MYT1L: variants seen among roughly 807,000 people sequenced by gnomAD.
MYT1L encodes the protein myelin transcription factor 1-like protein.
In MYT1L, 12 loss-of-function variants were observed where a neutral mutation model predicts 126.7. The ratio of observed to expected loss-of-function variants is 0.09; its 90% CI spans 0.06 to 0.15. The LOEUF is 0.15. Among genes scored for constraint, MYT1L ranks in the 10% least tolerant of loss-of-function variants. MYT1L has a pLI of 1.00. For missense variants in MYT1L, 979 were observed against 1,585.2 expected (o/e 0.62, Z 6.49); for synonymous variants, 541 against 604.2 (o/e 0.90, Z 1.53).
intron 1 of MYT1L, among the ~76,000 whole-genome samples, chr2:2,321,915 A>G (rs979425208): frequency 5.3e-5 from 8 of 152,176 alleles, no homozygotes; most frequent in African/African-American, 1.9e-4. Flanking sequence ...TCTTTCAACT[A>G]TATTAATGAG....
Position 1,839,230 on chromosome 2 carries a change from A to G in MYT1L, c.2999T>C (p.Val1000Ala), listed in dbSNP as rs373189496. ...LNGSQFSWKS[V>A]KTEGMSCPTP... ...GGGGCAGGACATGCCTTCCGTCTTG[A>G]CCGACTTCCAGGAGAACTGGGAGCC... The change falls in exon 21 of 25, where the codon GTC (valine) becomes GCC (alanine). Residue 1000 changes from valine (V) to alanine (A), a missense_variant. By Grantham distance (64) the Val-to-Ala change is moderately conservative. Around this residue, in one of 12 missense-constraint regions of MYT1L, gnomAD observed 179 missense variants for 398.6 expected, o/e 0.45. Transcript: ENST00000647738. The G allele has an allele frequency of 1.1e-5, 18 of 1,613,516 alleles. No homozygotes were observed. The highest frequency in any genetic ancestry group is 8.9e-5 in the East Asian group (4 of 44,872).
intron 9 of MYT1L, among the ~76,000 whole-genome samples, chr2:1,927,066 ACT>A (rs1222603456): frequency 6.6e-6 from 1 of 152,124 alleles, no homozygotes; most frequent in Non-Finnish European, 1.5e-5. Context: ...AGAGCAACAG[ACT>A]CTGAGCAGGA....
Position 1,911,336 on chromosome 2 carries a change from T to C in MYT1L, c.1709+684A>G, listed in dbSNP as rs538496553. Among the ~76,000 whole-genome samples the C allele has an allele frequency of 2.1e-3, 316 of 152,120 alleles. 1 individual carries two copies. The highest frequency in any genetic ancestry group is 2.3e-3 in the Non-Finnish European group (155 of 67,984). ...AATTTTACGTGAACTCATAAAACCA[T>C]AGACTGTAAGACAAACTTTAAAAGA... On this transcript the variant is annotated intron_variant, in intron 12 of 24. Coordinates refer to ENST00000647738, the MANE Select transcript of MYT1L (RefSeq NM_001303052.2).
At position 1,851,572 on chromosome 2, in the gene MYT1L, C is replaced by T. The variant is rs548579264; in HGVS notation, c.2774+69G>A. On this transcript the variant is annotated intron_variant, in intron 19 of 24. Transcript: ENST00000647738. ...AAACTTCGCAAGGCTTGGAGCCTGA[C>T]GTGAGTGATATTCCTGCCATTTCAG... The T allele has an allele frequency of 3.3e-5, 49 of 1,470,002 alleles. 2 individuals are homozygous for T. In the South Asian group the frequency reaches 3.4e-4, roughly 10 times the overall value. The allele number at this position is 1,470,002 out of a possible 1,614,324, so 91.1% of individuals were successfully genotyped here. A position where few individuals can be genotyped will look rare whatever the true frequency, so the allele number is the denominator to read the frequency against.
intron 1 of MYT1L, among the ~76,000 whole-genome samples, chr2:2,298,231 A>T: frequency 6.6e-6 from 1 of 152,208 alleles, no homozygotes; most frequent in East Asian, 1.9e-4. Context: ...TGAGGCCCAT[A>T]TACGTGGAAG....
rs1341607552 is a variant in MYT1L, at chr2:1,814,025, C to T, written c.3081-4858G>A. Among the ~76,000 whole-genome samples the T allele has an allele frequency of 9.4e-5, 10 of 105,914 alleles. No individual in the cohort carries two copies. The East Asian group carries it at 1.4e-3, about 15-fold the overall frequency. 69.5% of individuals were successfully genotyped at this position (105,914 alleles called of 152,430 possible). A position where few individuals can be genotyped will look rare whatever the true frequency, so the allele number is the denominator to read the frequency against. ...CTGGGCGACAGAGCGAGACTCCGTC[C>T]CCAAAAAAAAAAAAAAAAGAAAGAA... On this transcript the variant is annotated intron_variant, in intron 21 of 24. Transcript: ENST00000647738.
Position 1,848,716 on chromosome 2 carries a change from C to A in MYT1L, c.2774+2925G>T, listed in dbSNP as rs2042832193. On this transcript the variant is annotated intron_variant, in intron 19 of 24. Transcript: ENST00000647738. This position sits in a 1 kb window ranked among gnomAD's most constrained non-coding sequence, Gnocchi z 4.8. ...TTGCTTGTTGGCTTCTGTCTGTCTG[C>A]AGCAGCTCATTTACACAGAACTGCA... Among the ~76,000 whole-genome samples, 1 of 152,152 alleles carries A rather than the reference C, an allele frequency of 6.6e-6. No individual in the cohort carries two copies.
Position 2,296,398 on chromosome 2 carries a change from A to G in MYT1L, c.-520-11895T>C, listed in dbSNP as rs1393522444. 2.6e-5 allele frequency among the ~76,000 whole-genome samples: 4 copies of G among 152,326 alleles called. No individual in the cohort carries two copies. The South Asian group carries it at 6.2e-4, about 24-fold the overall frequency. On this transcript the variant is annotated intron_variant, in intron 1 of 24. Coordinates refer to ENST00000647738, the MANE Select transcript of MYT1L (RefSeq NM_001303052.2). ...TTTAAGAGAAAAAATGTGATTCACA[A>G]TGACAACTATTTCCATTTTGAGGGT...
In MYT1L at chr2:2,159,536, C is replaced by T. The variant is rs1038462710; in HGVS notation, c.-304+13336G>A. Among the ~76,000 whole-genome samples the T allele has an allele frequency of 4.6e-5, 7 of 152,032 alleles. No homozygotes were observed. The East Asian group carries it at 5.8e-4, about 13-fold the overall frequency. On this transcript the variant is annotated intron_variant, in intron 3 of 24. Transcript: ENST00000647738. The stretch of plus-strand genomic sequence containing the variant: ...CGCTGGGGAGCACCTCGCTGCTGAG[C>T]GCGGGCTGTGTTCAGACCAGCACCC...
chr2:2,026,714 C>A (rs979009521), intron 4 of MYT1L, among the ~76,000 whole-genome samples: 3 of 152,120 alleles, frequency 2.0e-5, no homozygotes, highest in Non-Finnish European at 2.9e-5. Context: ...GTACAGGGAA[C>A]CTCTCCGTCC....
chr2:1,830,766 C>G (rs2040048017), intron 21 of MYT1L, among the ~76,000 whole-genome samples: 1 of 152,108 alleles, frequency 6.6e-6, no homozygotes, highest in Non-Finnish European at 1.5e-5. Context: ...CCTCAGGAGC[C>G]TCTTCCCTGG....
intron 4 of MYT1L, among the ~76,000 whole-genome samples, chr2:2,001,703 G>A (rs977040110): frequency 6.6e-6 from 1 of 152,138 alleles, no homozygotes; most frequent in Non-Finnish European, 1.5e-5. Flanking sequence ...GGAAGCACAG[G>A]GTGTCCTGAA....
chr2:1,930,928 C>T (rs2054877043), intron 9 of MYT1L, among the ~76,000 whole-genome samples: 1 of 152,228 alleles, frequency 6.6e-6, no homozygotes, highest in South Asian at 2.1e-4. Flanking sequence ...AGAAATACTA[C>T]ATCTTAGTAA....
chr2:1,920,465 C>T (rs2053429240), intron 10 of MYT1L, among the ~76,000 whole-genome samples: 1 of 152,168 alleles, frequency 6.6e-6, no homozygotes, highest in African/African-American at 2.4e-5. Flanking sequence ...CGCCCAAACT[C>T]CATCCTCAGA....
chr2:2,174,223 C>G (rs2090448267), intron 2 of MYT1L, among the ~76,000 whole-genome samples: 1 of 152,186 alleles, frequency 6.6e-6, no homozygotes, highest in African/African-American at 2.4e-5. Context: ...AAAATATACA[C>G]TTAGCTTTTA....
At chr2:2,039,695 G>A (rs190859731) in intron 4 of MYT1L, among the ~76,000 whole-genome samples, 8 of 152,322 alleles carry the variant, frequency 5.3e-5, no homozygotes, top group Admixed American at 1.3e-4. Flanking sequence ...TTTTGATGAG[G>A]AATAGGATGA....
At chr2:2,117,378 C>T (rs1350573388) in intron 3 of MYT1L, among the ~76,000 whole-genome samples, 6 of 152,126 alleles carry the variant, frequency 3.9e-5, no homozygotes, top group African/African-American at 1.2e-4. Context: ...TGCATGTTGT[C>T]CTGGACGTCT....
chr2:2,118,871 A>T (rs1216636751), intron 3 of MYT1L, among the ~76,000 whole-genome samples: 2 of 152,260 alleles, frequency 1.3e-5, no homozygotes, highest in African/African-American at 4.8e-5. Context: ...TGGAACACTG[A>T]CATTTTCATA....
At chr2:1,995,318 C>A (rs977692138) in intron 5 of MYT1L, among the ~76,000 whole-genome samples, 1 of 152,154 alleles carries the variant, frequency 6.6e-6, no homozygotes, top group Non-Finnish European at 1.5e-5. Context: ...GTGCCCAGTG[C>A]GGTAGCTGTG....
Sources: gnomAD v4.1 joint callset for allele counts (sites outside exome capture counted in the v4.1 genomes callset) on GRCh38, gnomAD v4.1.1 for gene constraint, gnomAD v4.1.1 regional missense constraint, Gnocchi (gnomAD v3.1) non-coding constraint, MANE v1.5 for transcripts, NCBI Gene and HGNC (gene_info 2026-07-23, HGNC 2026-07-21) for gene names.